Variants in ARID2 observed in about 807,000 individuals in gnomAD.
ARID2 encodes the protein AT-rich interactive domain-containing protein 2.
In ARID2, 32 loss-of-function variants were observed where a neutral mutation model predicts 184.6. That is an observed-to-expected ratio of 0.17 (90% confidence interval 0.13 to 0.23). The LOEUF is 0.23. Among genes scored for constraint, ARID2 ranks in the 10% least tolerant of loss-of-function variants. ARID2 has a pLI of 1.00. For synonymous variants in ARID2, 836 were observed against 772.6 expected, an observed-to-expected ratio of 1.08 and a Z score of -1.36; for missense variants, 1,696 against 2,197.6, an observed-to-expected ratio of 0.77 and a Z score of 4.56.
chr12:45,808,828 A>C (rs1307526815), intron 3 of ARID2, among the ~76,000 whole-genome samples: 1 of 152,022 alleles, frequency 6.6e-6, no homozygotes, highest in Non-Finnish European at 1.5e-5. Flanking sequence ...GCAGTGGCAC[A>C]ATCTTGGCTC....
intron 3 of ARID2, among the ~76,000 whole-genome samples, chr12:45,763,231 G>C (rs765973451): frequency 7.6e-4 from 116 of 152,324 alleles, no homozygotes; most frequent in Non-Finnish European, 5.3e-4. Flanking sequence ...AGCACTTTGG[G>C]AGGCCAAGGC....
At chr12:45,757,646 A>T (rs1336359826) in intron 3 of ARID2, among the ~76,000 whole-genome samples, 1 of 152,214 alleles carries the variant, frequency 6.6e-6, no homozygotes, top group Admixed American at 6.5e-5. Context: ...AAGAGTAAAA[A>T]CAGTTAACAT....
intron 6 of ARID2, among the ~76,000 whole-genome samples, chr12:45,828,031 C>T (rs974344908): frequency 1.3e-5 from 2 of 151,972 alleles, no homozygotes; most frequent in Non-Finnish European, 2.9e-5. Flanking sequence ...TAAATTATAA[C>T]ACATACTTAG....
chr12:45,799,954 A>T (rs1592084168), intron 3 of ARID2, among the ~76,000 whole-genome samples: 1 of 152,060 alleles, frequency 6.6e-6, no homozygotes, highest in Non-Finnish European at 1.5e-5. Context: ...GGCTCAAGTG[A>T]TTCTCCCACC....
intron 3 of ARID2, among the ~76,000 whole-genome samples, chr12:45,774,175 A>G (rs2138028668): frequency 6.6e-6 from 1 of 152,334 alleles, no homozygotes; most frequent in South Asian, 2.1e-4. Context: ...AAGTGTGTTT[A>G]TAAGATTATA....
chr12:45,871,184 T>A (rs1389283291), intron 16 of ARID2, among the ~76,000 whole-genome samples: 1 of 152,226 alleles, frequency 6.6e-6, no homozygotes, highest in Non-Finnish European at 1.5e-5. Flanking sequence ...TATCTGTTAA[T>A]TTCTAGTTCC....
chr12:45,817,628 TC>T (rs774115308), intron 4 of ARID2, 41 bp from the exon 5 acceptor site: 2 of 1,426,568 alleles, frequency 1.4e-6, no homozygotes, highest in Non-Finnish European at 1.9e-6. Flanking sequence ...CATAAAGGTA[TC>T]TGATCTTTGA....
At chr12:45,823,840 A>T (rs553483206) in intron 6 of ARID2, among the ~76,000 whole-genome samples, 4 of 152,136 alleles carry the variant, frequency 2.6e-5, no homozygotes, top group Non-Finnish European at 4.4e-5. Context: ...CTTATGGCTG[A>T]ATTCTTCCAA....
chr12:45,769,887 C>T (rs947807875), intron 3 of ARID2, among the ~76,000 whole-genome samples: 33 of 152,182 alleles, frequency 2.2e-4, no homozygotes, highest in African/African-American at 6.7e-4. Context: ...GGGATAAGAT[C>T]AAGGGCTTAA....
Position 45,905,687 on chromosome 12 carries a change from T to A in ARID2, c.*609T>A, listed in dbSNP as rs1944515561. ...ATAAAAATTTACCAGTCTGAATAGA[T>A]CTTGTAAATATTTGTGAATAGAATG... On this transcript the variant is annotated 3_prime_UTR_variant, in exon 21 of 21. Coordinates refer to ENST00000334344, the MANE Select transcript of ARID2 (RefSeq NM_152641.4). 1 of 232,724 alleles carries A rather than the reference T, an allele frequency of 4.3e-6. No homozygotes were observed. Among genetic ancestry groups the A allele is most frequent in the African/African-American group, 2.2e-5 (1 of 45,296 alleles). 14.4% of individuals were successfully genotyped at this position (232,724 alleles called of 1,614,324 possible).
intron 20 of ARID2, among the ~76,000 whole-genome samples, chr12:45,902,456 TTTTTC>T (rs1288247196): frequency 2.6e-5 from 4 of 152,144 alleles, no homozygotes; most frequent in Admixed American, 1.3e-4. Flanking sequence ...ACTAAAGTCT[TTTTTC>T]TTTCTTTGTT....
At chr12:45,780,839 C>T (rs1385178565) in intron 3 of ARID2, among the ~76,000 whole-genome samples, 1 of 151,980 alleles carries the variant, frequency 6.6e-6, no homozygotes, top group Middle Eastern at 3.2e-3. Flanking sequence ...AGGCTGTTCT[C>T]GAACTCCTGA....
chr12:45,855,042 A>T (rs1943621584), intron 15 of ARID2, among the ~76,000 whole-genome samples: 1 of 152,202 alleles, frequency 6.6e-6, no homozygotes, highest in Non-Finnish European at 1.5e-5. Flanking sequence ...AGATTTCTCT[A>T]TAAAGCTCTA....
rs1471581675 is a variant in ARID2 at position 45,905,935 on chromosome 12, TTTTTC to T, written c.*862_*866del. On this transcript the variant is annotated 3_prime_UTR_variant, in exon 21 of 21. Transcript: ENST00000334344. ...TTGTGGAACTGTGATTTTTTTTTCT[TTTTTC>T]TTTTTTTTTTTCTTTTTTTTTTTGT... is the stretch of plus-strand genomic sequence containing the variant. 415 of 223,398 alleles carry T rather than the reference TTTTTC, an allele frequency of 1.9e-3. No individual in the cohort carries two copies. Among genetic ancestry groups the T allele is most frequent in the African/African-American group, 0.01 (385 of 38,044 alleles). 13.8% of individuals were successfully genotyped at this position (223,398 alleles called of 1,614,324 possible). A position where few individuals can be genotyped will look rare whatever the true frequency, so the allele number is the denominator to read the frequency against.
At chr12:45,801,365 T>C (rs989865120) in intron 3 of ARID2, among the ~76,000 whole-genome samples, 24 of 151,594 alleles carry the variant, frequency 1.6e-4, no homozygotes, top group African/African-American at 5.8e-4. Context: ...CACAGTGACT[T>C]AGTCGAGAAT....
intron 3 of ARID2, among the ~76,000 whole-genome samples, chr12:45,753,322 CT>C (rs1329495216): frequency 6.6e-6 from 1 of 152,204 alleles, no homozygotes; most frequent in East Asian, 1.9e-4. Context: ...TGTTTCCCCC[CT>C]CATGATGGTC....
intron 16 of ARID2, among the ~76,000 whole-genome samples, chr12:45,868,785 C>G (rs1206940612): frequency 1.3e-5 from 2 of 152,190 alleles, no homozygotes; most frequent in African/African-American, 2.4e-5. Flanking sequence ...GTGCCTATTT[C>G]TGGATCACTT....
chr12:45,888,303 T>G (rs1047066896), intron 16 of ARID2, among the ~76,000 whole-genome samples: 7 of 152,032 alleles, frequency 4.6e-5, no homozygotes, highest in African/African-American at 1.7e-4. Flanking sequence ...TACACACAAG[T>G]ACAGAGGAAG....
chr12:45,850,844 A>G lies in ARID2; in HGVS notation c.2721A>G (p.Ser907=), dbSNP rs1043925311. The G allele has an allele frequency of 1.9e-6, 3 of 1,614,138 alleles. No individual in the cohort carries two copies. Among genetic ancestry groups the G allele is most frequent in the Non-Finnish European group, 2.5e-6 (3 of 1,180,010 alleles). ...APKPLPSQQV[S]STVVQQPIQQ... ...AACCTCTCCCTTCTCAGCAAGTTTC[A>G]TCTACAGTGGTACAGCAGCCTATTC... Residue 907 remains serine (S), a synonymous_variant, in exon 15 of 21, where the codon TCA becomes TCG. Coordinates refer to ENST00000334344, the MANE Select transcript of ARID2 (RefSeq NM_152641.4).
Sources: allele counts gnomAD v4.1 joint callset (sites outside exome capture counted in the v4.1 genomes callset), GRCh38; gene constraint gnomAD v4.1.1; transcripts MANE v1.5; gene names NCBI Gene and HGNC (gene_info 2026-07-23, HGNC 2026-07-21).